SPMAP2L: variants seen among roughly 807,000 people sequenced by gnomAD.
The protein encoded by SPMAP2L is sperm microtubule associated protein 2 like, also known as sperm microtubule associated protein 2-like.
the SPMAP2L span, chr4:56,601,013 A>G: frequency 9.8e-6 from 15 of 1,535,462 alleles, no homozygotes; most frequent in Non-Finnish European, 1.2e-5. Context: ...CATCAAGATT[A>G]TCTACCTGAC....
the SPMAP2L span, among the ~76,000 whole-genome samples, chr4:56,565,452 C>T: frequency 6.6e-6 from 1 of 152,174 alleles, no homozygotes; most frequent in South Asian, 2.1e-4. Flanking sequence ...GTTGACATGA[C>T]TGGAAAGTTA....
chr4:56,582,673 A>C, the SPMAP2L span, among the ~76,000 whole-genome samples: 1 of 152,206 alleles, frequency 6.6e-6, no homozygotes, highest in Admixed American at 6.6e-5. Context: ...CAAAATGTTA[A>C]ATATAGAGTT....
the SPMAP2L span, among the ~76,000 whole-genome samples, chr4:56,554,039 T>C: frequency 6.6e-6 from 1 of 152,096 alleles, no homozygotes; most frequent in Non-Finnish European, 1.5e-5. Context: ...TTTAAGATTA[T>C]ATTCTATTGA....
the SPMAP2L span, chr4:56,594,487 G>A: frequency 6.2e-7 from 1 of 1,606,430 alleles, no homozygotes; most frequent in Admixed American, 1.7e-5. Flanking sequence ...GTTATGACCA[G>A]GTCTGTTTCC....
the SPMAP2L span, among the ~76,000 whole-genome samples, chr4:56,582,969 A>C: frequency 6.6e-6 from 1 of 152,212 alleles, no homozygotes; most frequent in Non-Finnish European, 1.5e-5. Context: ...TATTTGTATC[A>C]GTCTATTTAT....
chr4:56,538,892 T>C, the SPMAP2L span, among the ~76,000 whole-genome samples: 1 of 152,236 alleles, frequency 6.6e-6, no homozygotes. Context: ...CCAGTAAGTC[T>C]TTACATTAAT....
chr4:56,562,756 A>G, the SPMAP2L span, among the ~76,000 whole-genome samples: 1 of 148,298 alleles, frequency 6.7e-6, no homozygotes, highest in Non-Finnish European at 1.5e-5. Flanking sequence ...CTTACAATTC[A>G]GAGAAACTAT....
At chr4:56,572,388 G>A in the SPMAP2L span, among the ~76,000 whole-genome samples, 1 of 152,158 alleles carries the variant, frequency 6.6e-6, no homozygotes, top group Non-Finnish European at 1.5e-5. Context: ...TTGACCGAAA[G>A]GTCATTACAC....
chr4:56,592,961 A>G, the SPMAP2L span: 7 of 1,604,374 alleles, frequency 4.4e-6, no homozygotes, highest in African/African-American at 1.3e-5. Context: ...CATCCATTTG[A>G]AAAGACCCTT....
At chr4:56,567,442 G>GTTTTTTT in the SPMAP2L span, among the ~76,000 whole-genome samples, 19 of 65,580 alleles carry the variant, frequency 2.9e-4, 1 homozygote, top group East Asian at 7.7e-4. Flanking sequence ...AATTTTGGTG[G>GTTTTTTT]TTTTTTTTTT....
chr4:56,605,780 G>C, the SPMAP2L span, among the ~76,000 whole-genome samples: 1 of 152,076 alleles, frequency 6.6e-6, no homozygotes, highest in African/African-American at 2.4e-5. Context: ...CACCAACAAC[G>C]TATGAAGTTC....
the SPMAP2L span, chr4:56,594,807 T>A: frequency 6.5e-7 from 1 of 1,546,274 alleles, no homozygotes; most frequent in South Asian, 1.1e-5. Context: ...TGTGACCTCA[T>A]CCATCAACAT....
chr4:56,566,325 A>G, the SPMAP2L span, among the ~76,000 whole-genome samples: 1 of 152,010 alleles, frequency 6.6e-6, no homozygotes, highest in African/African-American at 2.4e-5. Flanking sequence ...CAGCCTCCCA[A>G]GTAGCTGGGA....
chr4:56,549,699 C>T, the SPMAP2L span, among the ~76,000 whole-genome samples: 516 of 152,256 alleles, frequency 3.4e-3, 11 homozygotes, highest in South Asian at 0.041. Context: ...GGGCATAACA[C>T]CACAAGTGGA....
At chr4:56,622,099 A>G in the SPMAP2L span, among the ~76,000 whole-genome samples, 2 of 152,224 alleles carry the variant, frequency 1.3e-5, no homozygotes, top group East Asian at 1.9e-4. Context: ...GAGCAGAGGT[A>G]TATATGGGAA....
the SPMAP2L span, among the ~76,000 whole-genome samples, chr4:56,558,844 A>G: frequency 6.6e-6 from 1 of 152,128 alleles, no homozygotes; most frequent in Non-Finnish European, 1.5e-5. Context: ...GCTTATCAAA[A>G]TATATTTGGT....
At chr4:56,562,955 A>G in the SPMAP2L span, among the ~76,000 whole-genome samples, 4 of 152,008 alleles carry the variant, frequency 2.6e-5, no homozygotes, top group South Asian at 2.1e-4. Flanking sequence ...GAGATATAGT[A>G]TATTTCCAAT....
chr4:56,555,216 G>A, the SPMAP2L span, among the ~76,000 whole-genome samples: 2 of 152,108 alleles, frequency 1.3e-5, no homozygotes, highest in African/African-American at 4.8e-5. Context: ...TGGGATTACA[G>A]GCATGAGCCA....
the SPMAP2L span, among the ~76,000 whole-genome samples, chr4:56,614,771 T>G: frequency 6.6e-6 from 1 of 152,228 alleles, no homozygotes; most frequent in Non-Finnish European, 1.5e-5. Flanking sequence ...TGATTGTTAT[T>G]GCTATTTTTA....
Sources: allele counts gnomAD v4.1 joint callset (sites outside exome capture counted in the v4.1 genomes callset), GRCh38; gene constraint gnomAD v4.1.1; transcripts MANE v1.5; gene names NCBI Gene and HGNC (gene_info 2026-07-23, HGNC 2026-07-21).